The following TNFSF11 variants were observed in gnomAD, a reference collection of about 807,000 sequenced individuals.
The protein encoded by TNFSF11 is TNF superfamily member 11.
Under a neutral mutation model 32.2 loss-of-function variants are expected in TNFSF11, and 12 were observed. That is an observed-to-expected ratio of 0.37 (90% confidence interval 0.24 to 0.60). TNFSF11 has a LOEUF of 0.60. Ranked by LOEUF, TNFSF11 falls within the 20% of genes least tolerant of loss-of-function variation. TNFSF11 has a pLI of 0.66. For synonymous variants in TNFSF11, 172 were observed against 152.1 expected (o/e 1.13, Z -0.96); for missense variants, 345 against 398.0 (o/e 0.87, Z 1.13).
intron 2 of TNFSF11, among the ~76,000 whole-genome samples, chr13:42,585,656 G>A (rs1874626671): frequency 6.6e-6 from 1 of 152,228 alleles, no homozygotes; most frequent in South Asian, 2.1e-4. Context: ...GCTTCTGCCA[G>A]CCGGGGGGTG....
intron 2 of TNFSF11, among the ~76,000 whole-genome samples, chr13:42,600,353 C>A (rs900797): frequency 0.065 from 9,915 of 152,226 alleles, 339 homozygotes; most frequent in Non-Finnish European, 0.084. Flanking sequence ...ATGAAATAGA[C>A]ATGAAAAGAG....
rs143332820 is a variant in TNFSF11, at chr13:42,585,864, T to C, written c.387+4571T>C. On this transcript the variant is annotated intron_variant, in intron 2 of 4. Transcript: ENST00000398795. ...TTCACATTGGGTACCTGTTTGCAGA[T>C]ACCTTCCTGAAACTTACTTGCAAAG... Among the ~76,000 whole-genome samples the C allele has an allele frequency of 7.9e-5, 12 of 152,360 alleles. No homozygotes were observed. The East Asian group carries it at 1.3e-3, about 17-fold the overall frequency.
chr13:42,593,999 T>G (rs187551936), intron 2 of TNFSF11, among the ~76,000 whole-genome samples: 1 of 152,364 alleles, frequency 6.6e-6, no homozygotes, highest in African/African-American at 2.4e-5. Context: ...AAGCCCAGAC[T>G]CCAGCAACTT....
intron 2 of TNFSF11, among the ~76,000 whole-genome samples, chr13:42,568,675 C>T (rs1594454970): frequency 6.6e-6 from 1 of 152,054 alleles, no homozygotes; most frequent in East Asian, 1.9e-4. Context: ...TCAGAAGACG[C>T]GGGAACAGAC....
intron 4 of TNFSF11, among the ~76,000 whole-genome samples, chr13:42,603,920 T>C (rs1473125141): frequency 3.9e-5 from 6 of 152,158 alleles, no homozygotes; most frequent in Non-Finnish European, 7.3e-5. Context: ...CCAGTGAATG[T>C]ATGAGTAAGT....
chr13:42,601,310 C>T (rs951371097), intron 4 of TNFSF11, among the ~76,000 whole-genome samples: 7 of 152,212 alleles, frequency 4.6e-5, no homozygotes, highest in African/African-American at 1.7e-4. Context: ...GTTGACACAG[C>T]CCTGCTGCTG....
chr13:42,602,659 T>G (rs1869242405), intron 4 of TNFSF11, among the ~76,000 whole-genome samples: 1 of 152,262 alleles, frequency 6.6e-6, no homozygotes, highest in South Asian at 2.1e-4. Context: ...AAAACTGTTT[T>G]GCATGTTAGC....
intron 2 of TNFSF11, among the ~76,000 whole-genome samples, chr13:42,584,345 A>G (rs992575467): frequency 1.3e-5 from 2 of 152,208 alleles, no homozygotes; most frequent in African/African-American, 4.8e-5. Flanking sequence ...ATCCTTTTTT[A>G]AAAGTTATAG....
At chr13:42,576,910 T>A (rs776326311) in intron 1 of TNFSF11, among the ~76,000 whole-genome samples, 12 of 152,262 alleles carry the variant, frequency 7.9e-5, no homozygotes, top group Non-Finnish European at 1.8e-4. Flanking sequence ...CACTCTGTAA[T>A]TCTTTCCCCT....
intron 1 of TNFSF11, among the ~76,000 whole-genome samples, chr13:42,575,699 CTACT>C (rs1305321565): frequency 1.3e-5 from 2 of 152,098 alleles, no homozygotes; most frequent in Admixed American, 1.3e-4. Flanking sequence ...GTGTGATTAC[CTACT>C]TAAAGTAGAA....
chr13:42,598,154 C>T (rs1395376517), intron 2 of TNFSF11, among the ~76,000 whole-genome samples: 1 of 152,148 alleles, frequency 6.6e-6, no homozygotes, highest in Non-Finnish European at 1.5e-5. Context: ...GCCTGGCTTT[C>T]TTGATTATAA....
Position 42,606,904 on chromosome 13 carries a change from C to G in TNFSF11, c.940C>G (p.Arg314Gly). 6.2e-7 allele frequency: 1 copy of G among 1,613,988 alleles called. No homozygotes were observed. Among genetic ancestry groups the G allele is most frequent in the Non-Finnish European group, 8.5e-7 (1 of 1,180,006 alleles). ...AACATACTTTGGGGCTTTTAAAGTT[C>G]GAGATATAGATTGAGCCCCAGTTTT... ...DATYFGAFKVRDID is the reference protein window; with the variant it reads ...DATYFGAFKVGDID The change falls in exon 5 of 5, where the codon CGA becomes GGA. Residue 314 changes from arginine to glycine, a missense_variant. Physicochemically the swap from Arg to Gly is moderately radical, Grantham distance 125. Around this residue, in one of 2 missense-constraint regions of TNFSF11, gnomAD observed 148 missense variants for 216.0 expected, o/e 0.69. Transcript: ENST00000398795.
intron 2 of TNFSF11, among the ~76,000 whole-genome samples, chr13:42,586,628 A>G (rs1427853095): frequency 6.6e-6 from 1 of 152,210 alleles, no homozygotes; most frequent in East Asian, 1.9e-4. Flanking sequence ...CTGGCTCCAT[A>G]TATGAGTTAA....
At chr13:42,584,083 A>G (rs900454973) in intron 2 of TNFSF11, among the ~76,000 whole-genome samples, 32 of 152,350 alleles carry the variant, frequency 2.1e-4, no homozygotes, top group African/African-American at 7.5e-4. Flanking sequence ...TACAAGGCTT[A>G]TAGGAATAAA....
chr13:42,565,254 G>A (rs7996068), intron 1 of TNFSF11, among the ~76,000 whole-genome samples: 122,476 of 151,110 alleles, frequency 0.81, 49,857 homozygotes, highest in South Asian at 0.87. Flanking sequence ...TTTATCTGGT[G>A]GCTTTGTCTA....
At chr13:42,586,967 A>G (rs1430515410) in intron 2 of TNFSF11, among the ~76,000 whole-genome samples, 1 of 152,210 alleles carries the variant, frequency 6.6e-6, no homozygotes, top group Non-Finnish European at 1.5e-5. Context: ...TAGCACTTTG[A>G]TCCTCAATGA....
chr13:42,598,351 A>C (rs1329022935), intron 2 of TNFSF11, among the ~76,000 whole-genome samples: 2 of 152,224 alleles, frequency 1.3e-5, no homozygotes, highest in African/African-American at 4.8e-5. Context: ...ATCTTTTAAG[A>C]GCCAGTAATC....
chr13:42,567,272 A>G (rs189188654), intron 2 of TNFSF11, among the ~76,000 whole-genome samples: 1 of 152,326 alleles, frequency 6.6e-6, no homozygotes, highest in East Asian at 1.9e-4. Context: ...CTAATACTTT[A>G]GATTAATTTT....
At chr13:42,566,104 G>A (rs1234700304) in intron 1 of TNFSF11, among the ~76,000 whole-genome samples, 1 of 152,212 alleles carries the variant, frequency 6.6e-6, no homozygotes, top group Non-Finnish European at 1.5e-5. Flanking sequence ...GCAGACCTAA[G>A]TATTAGTAGA....
Sources: allele counts gnomAD v4.1 joint callset (sites outside exome capture counted in the v4.1 genomes callset), GRCh38; gene constraint gnomAD v4.1.1; regional missense constraint gnomAD v4.1.1; transcripts MANE v1.5; gene names NCBI Gene and HGNC (gene_info 2026-07-23, HGNC 2026-07-21).